The following MID1 variants were observed in gnomAD, a reference collection of about 807,000 sequenced individuals.
The protein encoded by MID1 is midline 1.
In MID1, 7 loss-of-function variants were observed where a neutral mutation model predicts 40.4. The ratio of observed to expected loss-of-function variants is 0.17; its 90% CI spans 0.10 to 0.33. The LOEUF (loss-of-function observed/expected upper bound fraction) is 0.33. Ranked by LOEUF, MID1 falls within the 10% of genes least tolerant of loss-of-function variation. MID1 has a pLI of 1.00. For missense variants in MID1, 367 were observed against 558.5 expected, an observed-to-expected ratio of 0.66 and a Z score of 3.46; for synonymous variants, 229 against 221.2, an observed-to-expected ratio of 1.04 and a Z score of -0.31.
intron 1 of MID1, among the ~76,000 whole-genome samples, chrX:10,625,982 C>T (rs1332574693): frequency 9.0e-6 from 1 of 111,287 alleles, no homozygotes; most frequent in Admixed American, 9.6e-5. Flanking sequence ...TGGAGGAGTC[C>T]TGGAGTTAGG....
intron 1 of MID1, among the ~76,000 whole-genome samples, chrX:10,610,524 A>G (rs760148073): frequency 2.7e-5 from 3 of 111,587 alleles, no homozygotes; most frequent in Non-Finnish European, 5.6e-5. Context: ...TCTCTAGGGT[A>G]TACTCTAAAG....
Position 10,759,159 on chromosome X carries a change from G to C in MID1, c.-187+74395C>G, listed in dbSNP as rs183310021. Among the ~76,000 whole-genome samples the C allele has an allele frequency of 8.7e-4, 98 of 112,307 alleles. 1 individual carries two copies. The highest frequency in any genetic ancestry group is 3.0e-3 in the African/African-American group (94 of 30,896). On this transcript the variant is annotated intron_variant, in intron 1 of 10. Coordinates refer to the MID1 transcript ENST00000380785. ...TAGCTGAACTCATGCAATCTTGCTA[G>C]TAATTTCACTTTGGAGATTTGTGAT...
rs191227371 is a variant in MID1 at position 10,712,545 on chromosome X, A to G, written c.-186-92126T>C. Reference sequence around the variant, plus strand: ...CCAAGGGAAGAATCAGAGGAGAAGAAATACAAACCCTGGAACCAAGCCAAT... The same window carrying G: ...CCAAGGGAAGAATCAGAGGAGAAGAGATACAAACCCTGGAACCAAGCCAAT... On this transcript the variant is annotated intron_variant, in intron 1 of 10. Coordinates refer to the MID1 transcript ENST00000380785. Among the ~76,000 whole-genome samples, 628 of 110,985 alleles carry G rather than the reference A, an allele frequency of 5.7e-3. 7 individuals are homozygous for G. Among genetic ancestry groups the G allele is most frequent in the African/African-American group, 0.019 (570 of 30,536 alleles).
chrX:10,765,342 G>A (rs1234513142), intron 1 of MID1, among the ~76,000 whole-genome samples: 1 of 112,238 alleles, frequency 8.9e-6, no homozygotes, highest in Admixed American at 9.4e-5. Context: ...ATTTTATGGT[G>A]TAATTTAATC....
chrX:10,648,504 A>C, intron 1 of MID1, among the ~76,000 whole-genome samples: 1 of 112,375 alleles, frequency 8.9e-6, no homozygotes, highest in East Asian at 2.8e-4. Flanking sequence ...AAAGAAGAAG[A>C]TGAGTGATGC....
chrX:10,669,764 T>G (rs2147591190), intron 1 of MID1, among the ~76,000 whole-genome samples: 1 of 112,406 alleles, frequency 8.9e-6, no homozygotes, highest in Non-Finnish European at 1.9e-5. Flanking sequence ...GAGAGTAATC[T>G]TTTCAACAAA....
intron 4 of MID1, among the ~76,000 whole-genome samples, chrX:10,483,792 A>G (rs186699932): frequency 8.9e-6 from 1 of 112,283 alleles, no homozygotes; most frequent in East Asian, 2.8e-4. Context: ...AAAGGAAGGA[A>G]AGAGATGTCA....
intron 1 of MID1, among the ~76,000 whole-genome samples, chrX:10,717,941 T>C (rs1361316109): frequency 8.9e-6 from 1 of 111,914 alleles, no homozygotes; most frequent in Non-Finnish European, 1.9e-5. Context: ...TGCTCCTGAA[T>C]GACTACTGGG....
chrX:10,547,614 T>A (rs1450908738), intron 2 of MID1, among the ~76,000 whole-genome samples: 984 of 31,588 alleles, frequency 0.031, no homozygotes, highest in Admixed American at 0.038. Context: ...GAAGGGAGGG[T>A]AAAGAAAGGA....
At chrX:10,602,810 A>G (rs755214435) in intron 1 of MID1, among the ~76,000 whole-genome samples, 1 of 112,213 alleles carries the variant, frequency 8.9e-6, no homozygotes, top group African/African-American at 3.2e-5. Context: ...TTCTGCCACC[A>G]CATGCTCATT....
At chrX:10,777,559 T>TA (rs1215727041) in intron 1 of MID1, among the ~76,000 whole-genome samples, 3 of 109,063 alleles carry the variant, frequency 2.8e-5, no homozygotes, top group African/African-American at 1.0e-4. Context: ...TTTTTTTTTT[T>TA]AACGGAGTTT....
At chrX:10,623,245 G>A (rs1489744400), upstream of MID1, among the ~76,000 whole-genome samples, 2 of 77,626 alleles carry the variant, frequency 2.6e-5, no homozygotes, top group South Asian at 6.7e-4. Context: ...ATAAGACCCC[G>A]AAAAAAAAGA....
intron 1 of MID1, among the ~76,000 whole-genome samples, chrX:10,747,571 T>C (rs59011129): frequency 0.11 from 11,874 of 112,218 alleles, 1,526 homozygotes; most frequent in African/African-American, 0.36. Flanking sequence ...GAGACAGTCA[T>C]GAAAACTTTC....
At chrX:10,494,577 C>T (rs1382889625) in intron 4 of MID1, among the ~76,000 whole-genome samples, 1 of 109,686 alleles carries the variant, frequency 9.1e-6, no homozygotes, top group Admixed American at 9.8e-5. Context: ...ACTTCGAGAC[C>T]AGCCTAGACA....
At chrX:10,828,441 G>A (rs915478561) in intron 1 of MID1, among the ~76,000 whole-genome samples, 6 of 111,661 alleles carry the variant, frequency 5.4e-5, no homozygotes, top group South Asian at 3.8e-4. Flanking sequence ...AGCTCCTCCC[G>A]CCATTGCTGG....
chrX:10,726,703 A>G (rs926444847), intron 1 of MID1, among the ~76,000 whole-genome samples: 1 of 112,541 alleles, frequency 8.9e-6, no homozygotes. Context: ...TCCCATCTTA[A>G]GAACTGTGGT....
At chrX:10,774,901 T>G (rs2043792417) in intron 1 of MID1, among the ~76,000 whole-genome samples, 1 of 111,573 alleles carries the variant, frequency 9.0e-6, no homozygotes, top group South Asian at 3.7e-4. Flanking sequence ...ACTTCAAATC[T>G]CAATAGCATT....
intron 1 of MID1, among the ~76,000 whole-genome samples, chrX:10,722,575 C>T (rs1269504450): frequency 8.9e-6 from 1 of 111,825 alleles, no homozygotes; most frequent in Non-Finnish European, 1.9e-5. Context: ...TGAATATCGG[C>T]CTTCAAGAGG....
chrX:10,579,141 C>T (rs1934944926), intron 1 of MID1, among the ~76,000 whole-genome samples: 1 of 111,765 alleles, frequency 8.9e-6, no homozygotes, highest in African/African-American at 3.3e-5. Context: ...AGTGCAGAAA[C>T]AGAAACCTGT....
Sources: gnomAD v4.1 joint callset for allele counts (sites outside exome capture counted in the v4.1 genomes callset) on GRCh38, gnomAD v4.1.1 for gene constraint, MANE v1.5 for transcripts, NCBI Gene and HGNC (gene_info 2026-07-23, HGNC 2026-07-21) for gene names.